The following ATRNL1 variants were observed in gnomAD, a reference collection of about 807,000 sequenced individuals.
ATRNL1 encodes attractin like 1, also known as attractin-like protein 1.
Under a neutral mutation model 182.7 loss-of-function variants are expected in ATRNL1, and 95 were observed. The ratio of observed to expected loss-of-function variants is 0.52; its 90% CI spans 0.44 to 0.62. ATRNL1 has a LOEUF of 0.62. Among genes scored for constraint, ATRNL1 ranks in the 20% least tolerant of loss-of-function variants. The probability of loss-of-function intolerance (pLI) is 0.00; values close to 1 mark genes in which losing one functional copy is unlikely to be tolerated. For missense variants in ATRNL1, 1,471 were observed against 1,679.5 expected, an observed-to-expected ratio of 0.88 and a Z score of 2.17; for synonymous variants, 576 against 568.3, an observed-to-expected ratio of 1.01 and a Z score of -0.19.
At chr10:115,485,796 A>C (rs1450598313) in intron 24 of ATRNL1, among the ~76,000 whole-genome samples, 1 of 152,038 alleles carries the variant, frequency 6.6e-6, no homozygotes, top group Non-Finnish European at 1.5e-5. Flanking sequence ...CAGAATGTGC[A>C]GGTTTGTTAC....
chr10:115,479,113 C>A (rs1202314133), intron 24 of ATRNL1, among the ~76,000 whole-genome samples: 5 of 151,340 alleles, frequency 3.3e-5, no homozygotes, highest in Non-Finnish European at 7.4e-5. Context: ...GTTCTATTTT[C>A]CTTTATAATT....
chr10:115,867,764 G>A (rs1218266753), intron 28 of ATRNL1, among the ~76,000 whole-genome samples: 2 of 141,156 alleles, frequency 1.4e-5, no homozygotes, highest in Non-Finnish European at 3.0e-5. Flanking sequence ...TTGAGACAAA[G>A]TCTCACTCTG....
At chr10:115,915,057 G>A (rs548791014) in intron 28 of ATRNL1, among the ~76,000 whole-genome samples, 276 of 152,254 alleles carry the variant, frequency 1.8e-3, no homozygotes, top group Non-Finnish European at 2.5e-3. Flanking sequence ...GTGGCATTAC[G>A]AATATCTAGT....
chr10:115,352,078 C>T (rs1360346139), intron 19 of ATRNL1, among the ~76,000 whole-genome samples: 2 of 151,848 alleles, frequency 1.3e-5, no homozygotes, highest in Admixed American at 6.6e-5. Flanking sequence ...TACTTGTCTC[C>T]CAGGCTTTAC....
chr10:115,622,957 A>G (rs1370587587), intron 26 of ATRNL1, among the ~76,000 whole-genome samples: 6 of 152,138 alleles, frequency 3.9e-5, no homozygotes, highest in Admixed American at 3.9e-4. Flanking sequence ...AACAGAAAGC[A>G]AAGATAGAAA....
At chr10:115,112,154 G>A (rs77759248) in intron 1 of ATRNL1, among the ~76,000 whole-genome samples, 2,349 of 152,172 alleles carry the variant, frequency 0.015, 52 homozygotes, top group African/African-American at 0.052. Flanking sequence ...GAAATTGAAG[G>A]TGACACAAGT....
At chr10:115,890,656 A>G (rs1952057642) in intron 28 of ATRNL1, among the ~76,000 whole-genome samples, 1 of 152,148 alleles carries the variant, frequency 6.6e-6, no homozygotes. Context: ...GATATGTTTG[A>G]TAGTTCATGA....
chr10:115,231,014 A>T (rs1197872038), intron 9 of ATRNL1, among the ~76,000 whole-genome samples: 1 of 151,940 alleles, frequency 6.6e-6, no homozygotes, highest in Non-Finnish European at 1.5e-5. Flanking sequence ...ATTTTGTGGG[A>T]GAAGTAGGTT....
chr10:115,939,234 A>G (rs1223230746), intron 28 of ATRNL1, among the ~76,000 whole-genome samples: 3 of 152,148 alleles, frequency 2.0e-5, no homozygotes, highest in East Asian at 1.9e-4. Context: ...GGAATTTCCT[A>G]TGGTCTCAAA....
At chr10:115,557,176 G>A (rs1300945834) in intron 26 of ATRNL1, among the ~76,000 whole-genome samples, 22 of 152,078 alleles carry the variant, frequency 1.4e-4, no homozygotes, top group African/African-American at 5.3e-4. Context: ...ATTGGTTTAT[G>A]GAGAGGAGTT....
chr10:115,169,928 T>G (rs1264107825), intron 7 of ATRNL1, among the ~76,000 whole-genome samples: 1 of 152,160 alleles, frequency 6.6e-6, no homozygotes, highest in African/African-American at 2.4e-5. Flanking sequence ...TTTCCCAATT[T>G]CATTTTTGGG....
intron 10 of ATRNL1, among the ~76,000 whole-genome samples, chr10:115,243,356 A>G (rs1309998086): frequency 6.6e-6 from 1 of 152,108 alleles, no homozygotes; most frequent in Non-Finnish European, 1.5e-5. Context: ...TCAGAAATAG[A>G]AAGATGTCAG....
At chr10:115,526,642 G>A (rs1295836269) in intron 25 of ATRNL1, among the ~76,000 whole-genome samples, 1 of 152,178 alleles carries the variant, frequency 6.6e-6, no homozygotes, top group Non-Finnish European at 1.5e-5. Context: ...CAATCAGTGA[G>A]TGAATCAGTT....
chr10:115,551,784 T>C (rs2133814448), intron 26 of ATRNL1, among the ~76,000 whole-genome samples: 1 of 151,604 alleles, frequency 6.6e-6, no homozygotes, highest in African/African-American at 2.4e-5. Context: ...AGATCTGCAA[T>C]TAGCAAGTAA....
At chr10:115,517,433 A>T (rs531434335) in intron 24 of ATRNL1, among the ~76,000 whole-genome samples, 1 of 152,034 alleles carries the variant, frequency 6.6e-6, no homozygotes, top group South Asian at 2.1e-4. Flanking sequence ...GTTTTCTGCT[A>T]AAAACGTAAA....
At chr10:115,391,609 A>G (rs596404) in intron 19 of ATRNL1, among the ~76,000 whole-genome samples, 1 of 150,738 alleles carries the variant, frequency 6.6e-6, no homozygotes, top group Non-Finnish European at 1.5e-5. Context: ...GCTTTTCTAC[A>G]CTATTCAATG....
chr10:115,622,572 T>C (rs563435413), intron 26 of ATRNL1, among the ~76,000 whole-genome samples: 2 of 152,332 alleles, frequency 1.3e-5, no homozygotes, highest in South Asian at 4.1e-4. Context: ...TGATAACTTT[T>C]ACAATATCAA....
intron 19 of ATRNL1, among the ~76,000 whole-genome samples, chr10:115,380,302 T>C (rs1215425982): frequency 6.6e-6 from 1 of 152,204 alleles, no homozygotes; most frequent in East Asian, 1.9e-4. Flanking sequence ...AAACTTAGTG[T>C]TCTACAGTAT....
At chr10:115,533,519 G>A (rs1554989149) in intron 25 of ATRNL1, among the ~76,000 whole-genome samples, 1 of 151,956 alleles carries the variant, frequency 6.6e-6, no homozygotes, top group African/African-American at 2.4e-5. Context: ...CTTGCTAGCT[G>A]TCTATCAATT....
Sources: gnomAD v4.1 joint callset for allele counts (sites outside exome capture counted in the v4.1 genomes callset) on GRCh38, gnomAD v4.1.1 for gene constraint, MANE v1.5 for transcripts, NCBI Gene and HGNC (gene_info 2026-07-23, HGNC 2026-07-21) for gene names.